Variants in ADGRD1 observed in about 807,000 individuals in gnomAD.
The protein encoded by ADGRD1 is adhesion G protein-coupled receptor D1.
Under a neutral mutation model 113.4 loss-of-function variants are expected in ADGRD1, and 77 were observed. The observed-to-expected ratio is 0.68, with a 90% CI of 0.57 to 0.82. The LOEUF is 0.82. Among genes scored for constraint, ADGRD1 ranks in the 40% least tolerant of loss-of-function variants. The pLI is 0.00. For synonymous variants in ADGRD1, 474 were observed against 475.0 expected, an observed-to-expected ratio of 1.00 and a Z score of 0.03; for missense variants, 1,036 against 1,139.1, an observed-to-expected ratio of 0.91 and a Z score of 1.30.
At chr12:130,962,665 A>G (rs1254678209) in intron 2 of ADGRD1, 1 of 152,234 alleles carries the variant, frequency 6.6e-6, no homozygotes, top group South Asian at 2.1e-4. Context: ...CTGGAAATCA[A>G]CTGAAGTCAG....
At chr12:131,006,977 A>C (rs1877206728) in intron 12 of ADGRD1, among the ~76,000 whole-genome samples, 1 of 152,232 alleles carries the variant, frequency 6.6e-6, no homozygotes, top group Non-Finnish European at 1.5e-5. Context: ...ATAGTGAATG[A>C]AAAGGTGACC....
chr12:130,985,101 GT>G (rs34234061), intron 5 of ADGRD1, among the ~76,000 whole-genome samples: 111,443 of 143,304 alleles, frequency 0.78, 44,496 homozygotes, highest in East Asian at 0.93. Flanking sequence ...TGTCTCACTA[GT>G]TTTTTTTTTT....
At chr12:131,014,729 AAACATGCTTC>A (rs1878358414) in intron 13 of ADGRD1, among the ~76,000 whole-genome samples, 1 of 152,202 alleles carries the variant, frequency 6.6e-6, no homozygotes, top group Non-Finnish European at 1.5e-5. Flanking sequence ...TGTTAGAGAG[AAACATGCTTC>A]AGAGCTCAGG....
chr12:131,046,195 TCA>T (rs1400862423), intron 13 of ADGRD1, among the ~76,000 whole-genome samples: 1 of 129,726 alleles, frequency 7.7e-6, no homozygotes. Context: ...CCCTCCCTGG[TCA>T]GTGCTCCCTC....
At chr12:131,001,456 A>C (rs904285228) in intron 9 of ADGRD1, among the ~76,000 whole-genome samples, 1 of 152,234 alleles carries the variant, frequency 6.6e-6, no homozygotes, top group Non-Finnish European at 1.5e-5. Context: ...TTATATATGT[A>C]TTCAACAGAT....
intron 14 of ADGRD1, among the ~76,000 whole-genome samples, chr12:131,077,733 A>ATTGTTT (rs1885747622): frequency 1.3e-5 from 2 of 151,654 alleles, no homozygotes; most frequent in South Asian, 2.1e-4. Context: ...ATGGCTGGAT[A>ATTGTTT]TTGTTTTTGT....
intron 19 of ADGRD1, chr12:131,120,635 C>G: frequency 1.6e-6 from 1 of 635,690 alleles, no homozygotes. Flanking sequence ...AGGTTGCTGT[C>G]CTGGTCTTCA....
At position 131,003,543 on chromosome 12, in the gene ADGRD1, C is replaced by A. The variant is rs536116071; in HGVS notation, c.1144+241C>A. ...GTGACTTGGGAGCCAAGCTCCTGCC[C>A]TGGGATGATGGTCTCGGTTCAGAGC... On this transcript the variant is annotated intron_variant, in intron 10 of 24. Coordinates refer to ENST00000261654, the MANE Select transcript of ADGRD1 (RefSeq NM_198827.5). This position sits in a 1 kb window ranked among gnomAD's most constrained non-coding sequence, Gnocchi z 4.8. Among the ~76,000 whole-genome samples, 1 of 152,274 alleles carries A rather than the reference C, an allele frequency of 6.6e-6. No homozygotes were observed. The highest frequency in any genetic ancestry group is 2.1e-4 in the South Asian group (1 of 4,810).
At position 131,096,723 on chromosome 12, in the gene ADGRD1, G is replaced by C. The variant is rs780716730; in HGVS notation, c.1672-8108G>C. Among the ~76,000 whole-genome samples the C allele has an allele frequency of 2.0e-5, 3 of 152,090 alleles. No homozygotes were observed. The highest frequency in any genetic ancestry group is 7.2e-5 in the African/African-American group (3 of 41,392). On this transcript the variant is annotated intron_variant, in intron 15 of 24. Transcript: ENST00000261654. The surrounding 1 kb of genome is among the most constrained non-coding windows in gnomAD (Gnocchi z 5.2). ...CCTCCATCTGTGAGGATGGGTTCCC[G>C]TGGGGCACTGCCAGTCCAGGTTTAC...
At chr12:131,005,822 A>C (rs764000086) in intron 11 of ADGRD1, 150 bp from the exon 12 acceptor site, 5 of 662,534 alleles carry the variant, frequency 7.5e-6, no homozygotes, top group Non-Finnish European at 1.1e-5. Context: ...TGTCCTTGCA[A>C]ATTCTGCCCG....
In ADGRD1 at chr12:131,022,072, T is replaced by A. The variant is rs75923818; in HGVS notation, c.1473+7732T>A. Among the ~76,000 whole-genome samples the A allele has an allele frequency of 7.1e-3, 1,074 of 152,272 alleles. 15 individuals are homozygous for A. Among genetic ancestry groups the A allele is most frequent in the African/African-American group, 0.025 (1,032 of 41,554 alleles). Reference sequence around the variant, plus strand: ...CTACTCTAATGACCTCATTTTATCTTAATCACCCCTTCAAAGACCCTGACT... The same window carrying A: ...CTACTCTAATGACCTCATTTTATCTAAATCACCCCTTCAAAGACCCTGACT... On this transcript the variant is annotated intron_variant, in intron 13 of 24. Transcript: ENST00000261654. The surrounding 1 kb of genome is among the most constrained non-coding windows in gnomAD (Gnocchi z 4.6).
intron 15 of ADGRD1, among the ~76,000 whole-genome samples, chr12:131,099,060 C>G (rs1328187269): frequency 1.3e-5 from 2 of 152,256 alleles, no homozygotes; most frequent in Non-Finnish European, 2.9e-5. Flanking sequence ...TTTCCAACCA[C>G]TCTTCTGTGA....
At chr12:131,021,960 T>C (rs561725875) in intron 13 of ADGRD1, among the ~76,000 whole-genome samples, 1 of 152,264 alleles carries the variant, frequency 6.6e-6, no homozygotes, top group African/African-American at 2.4e-5. Context: ...TGCCTCAGCC[T>C]CCCAAAGTGC....
intron 12 of ADGRD1, among the ~76,000 whole-genome samples, chr12:131,010,155 C>CA (rs1222144005): frequency 6.6e-6 from 1 of 152,222 alleles, no homozygotes. Flanking sequence ...TTCAAGAATT[C>CA]ACCATCACCC....
Position 130,954,762 on chromosome 12 carries a change from G to A in ADGRD1, c.103+102G>A. ...TTCATCTCTGAGGCATCAGCGAATGGCCCTTGTTGGGCTCCTGGTCCCCGA... is the reference window on the plus strand; with the variant it reads ...TTCATCTCTGAGGCATCAGCGAATGACCCTTGTTGGGCTCCTGGTCCCCGA... On this transcript the variant is annotated intron_variant, in intron 2 of 24. Transcript: ENST00000261654. The surrounding 1 kb of genome is among the most constrained non-coding windows in gnomAD (Gnocchi z 4.7). The A allele has an allele frequency of 1.8e-6, 2 of 1,136,802 alleles. No individual in the cohort carries two copies. Among genetic ancestry groups the A allele is most frequent in the South Asian group, 1.3e-5 (1 of 78,352 alleles). The allele number at this position is 1,136,802 out of a possible 1,614,324, so 70.4% of individuals were successfully genotyped here. A position where few individuals can be genotyped will look rare whatever the true frequency, so the allele number is the denominator to read the frequency against.
intron 13 of ADGRD1, among the ~76,000 whole-genome samples, chr12:131,028,457 G>C (rs549657502): frequency 1.3e-5 from 2 of 152,068 alleles, no homozygotes; most frequent in African/African-American, 4.8e-5. Flanking sequence ...AGTGCAGTCC[G>C]GTTTATCAAG....
intron 11 of ADGRD1, 61 bp downstream of exon 11, chr12:131,004,357 C>A: frequency 1.7e-6 from 2 of 1,201,562 alleles, no homozygotes; most frequent in Non-Finnish European, 2.4e-6. Flanking sequence ...TCTGAAGAGT[C>A]CCCAAGCTTT....
chr12:130,981,928 A>G lies in ADGRD1; in HGVS notation c.355A>G (p.Arg119Gly), dbSNP rs1873042185. The change falls in exon 5 of 25, where the codon AGA becomes GGA. Residue 119 changes from arginine to glycine, a missense_variant. Coordinates refer to ENST00000261654, the MANE Select transcript of ADGRD1 (RefSeq NM_198827.5). ...CTGGAAGACACAAGGAGAACAGTCT[A>G]GACCAATCCCTTCTGCGTATGGGGG... is the stretch of plus-strand genomic sequence containing the variant. ...FFWKTQGEQS[R>G]PIPSAYGGQV... 7 of 1,613,848 alleles carry G rather than the reference A, an allele frequency of 4.3e-6. No individual in the cohort carries two copies. The East Asian group carries it at 1.6e-4, about 36-fold the overall frequency.
At chr12:131,035,957 C>T (rs1022034724) in intron 13 of ADGRD1, among the ~76,000 whole-genome samples, 7 of 152,154 alleles carry the variant, frequency 4.6e-5, no homozygotes, top group South Asian at 2.1e-4. Context: ...AAGCCAAAAC[C>T]GAGTCACATT....
Sources: allele counts gnomAD v4.1 joint callset (sites outside exome capture counted in the v4.1 genomes callset), GRCh38; gene constraint gnomAD v4.1.1; non-coding constraint Gnocchi (gnomAD v3.1); transcripts MANE v1.5; gene names NCBI Gene and HGNC (gene_info 2026-07-23, HGNC 2026-07-21).